Variants in CATSPERB observed in about 807,000 individuals in gnomAD.
CATSPERB encodes the protein cation channel sperm-associated auxiliary subunit beta.
Under a neutral mutation model 128.3 loss-of-function variants are expected in CATSPERB, and 93 were observed. The observed-to-expected ratio is 0.72, with a 90% confidence interval of 0.61 to 0.86. The LOEUF (loss-of-function observed/expected upper bound fraction) is 0.86. Ranked by LOEUF, CATSPERB falls within the 40% of genes least tolerant of loss-of-function variation. CATSPERB has a pLI of 0.00. For missense variants in CATSPERB, 1,153 were observed against 1,329.5 expected (o/e 0.87, Z 2.06); for synonymous variants, 381 against 448.8 (o/e 0.85, Z 1.91).
chr14:91,698,618 A>C (rs1895599802), intron 7 of CATSPERB, among the ~76,000 whole-genome samples: 1 of 152,178 alleles, frequency 6.6e-6, no homozygotes, highest in Admixed American at 6.5e-5. Context: ...GTTAGGTTTT[A>C]TCAAAGGTTT....
intron 14 of CATSPERB, 110 bp from the exon 15 acceptor site, chr14:91,660,091 C>A: frequency 1.3e-6 from 1 of 764,954 alleles, no homozygotes; most frequent in Non-Finnish European, 2.1e-6. Context: ...TTCCATATGC[C>A]TACATTCATC....
chr14:91,604,485 G>T, intron 22 of CATSPERB: 1 of 1,588,520 alleles, frequency 6.3e-7, no homozygotes, highest in East Asian at 2.2e-5. Flanking sequence ...CTAGTGGTCT[G>T]CTGTATTACA....
At chr14:91,729,378 G>T in intron 2 of CATSPERB, 23 bp downstream of exon 2, 16 of 1,102,438 alleles carry the variant, frequency 1.5e-5, no homozygotes, top group Non-Finnish European at 2.1e-5. Context: ...AGGAAATAGA[G>T]AGTAAGATGG....
intron 11 of CATSPERB, among the ~76,000 whole-genome samples, chr14:91,681,673 G>T (rs377758045): frequency 1.1e-3 from 160 of 152,304 alleles, no homozygotes; most frequent in African/African-American, 3.6e-3. Context: ...TACCCTAGGG[G>T]CAAGCCCCTT....
chr14:91,588,307 T>C (rs775863009), intron 24 of CATSPERB, among the ~76,000 whole-genome samples: 1 of 152,074 alleles, frequency 6.6e-6, no homozygotes, highest in African/African-American at 2.4e-5. Flanking sequence ...TTGTAGACGA[T>C]GTATTTAGGG....
At chr14:91,610,828 T>TA in intron 20 of CATSPERB, 151 bp from the exon 21 acceptor site, 1 of 691,746 alleles carries the variant, frequency 1.4e-6, no homozygotes, top group Admixed American at 2.8e-5. Context: ...GTAATTAAGG[T>TA]AAAATGAGGT....
At chr14:91,610,925 C>A (rs1182307845) in intron 20 of CATSPERB, among the ~76,000 whole-genome samples, 2 of 151,646 alleles carry the variant, frequency 1.3e-5, no homozygotes, top group Non-Finnish European at 3.0e-5. Flanking sequence ...AACTGAGGGG[C>A]AACCATATGA....
At position 91,660,099 on chromosome 14, in the gene CATSPERB, A is replaced by ATC. The variant is rs55665101; in HGVS notation, c.1288-120_1288-119dup. 2.6e-3 allele frequency: 1,356 copies of ATC among 517,204 alleles called. 13 individuals carry two copies. Among genetic ancestry groups the ATC allele is most frequent in the African/African-American group, 0.025 (1,208 of 48,896 alleles). The allele number at this position is 517,204 out of a possible 1,614,324, so 32.0% of individuals were successfully genotyped here. On this transcript the variant is annotated intron_variant, in intron 14 of 26. Coordinates refer to ENST00000256343, the MANE Select transcript of CATSPERB (RefSeq NM_024764.4). Reference sequence around the variant, plus strand: ...TGATCTTTTCCATATGCCTACATTCATCTCTCTCTCTCTCTCTCACACACA... The same window carrying ATC: ...TGATCTTTTCCATATGCCTACATTCATCTCTCTCTCTCTCTCTCTCACACACA...
At chr14:91,617,949 G>C (rs1270344466) in intron 19 of CATSPERB, among the ~76,000 whole-genome samples, 1 of 152,150 alleles carries the variant, frequency 6.6e-6, no homozygotes, top group African/African-American at 2.4e-5. Context: ...GAGGGTTCTT[G>C]AATCTCACAC....
intron 26 of CATSPERB, among the ~76,000 whole-genome samples, chr14:91,581,868 C>T (rs924481668): frequency 3.3e-5 from 5 of 151,968 alleles, no homozygotes; most frequent in African/African-American, 4.8e-5. Context: ...GGGAGAAGAA[C>T]GTGCTGATGA....
chr14:91,683,164 G>A (rs1895313802), intron 11 of CATSPERB, among the ~76,000 whole-genome samples: 1 of 152,190 alleles, frequency 6.6e-6, no homozygotes, highest in Admixed American at 6.5e-5. Flanking sequence ...CAAGGATGCA[G>A]GAAAGATGTT....
chr14:91,704,698 G>A lies in CATSPERB; in HGVS notation c.470C>T (p.Pro157Leu), dbSNP rs773719104. The stretch of plus-strand genomic sequence containing the variant: ...ATCCCCAGGAGTCCACTGAAGAATC[G>A]GTTCTGTGGAAATCAAATTTGGGTG... Reference protein sequence around the residue: ...EGTLLDVIREPILQWTPGDVI... With the variant: ...EGTLLDVIRELILQWTPGDVI... Residue 157 changes from proline to leucine, a missense_variant, in exon 7 of 27, where the codon CCG (proline) becomes CTG (leucine). By Grantham distance (98) the Pro-to-Leu change is moderately conservative. Transcript: ENST00000256343. 6.2e-6 allele frequency: 10 copies of A among 1,609,934 alleles called. No homozygotes were observed. Among genetic ancestry groups the A allele is most frequent in the East Asian group, 4.5e-5 (2 of 44,820 alleles).
At chr14:91,726,331 G>A (rs1052871340) in intron 2 of CATSPERB, among the ~76,000 whole-genome samples, 3 of 152,198 alleles carry the variant, frequency 2.0e-5, no homozygotes, top group Non-Finnish European at 4.4e-5. Context: ...GAGCCCAGGC[G>A]TGCTCGTCCG....
Position 91,729,276 on chromosome 14 carries a change from G to A in CATSPERB, c.79+125C>T, listed in dbSNP as rs527805091. On this transcript the variant is annotated intron_variant, in intron 2 of 26. Coordinates refer to ENST00000256343, the MANE Select transcript of CATSPERB (RefSeq NM_024764.4). ...GACCAGAGTATAATTGACAATATTG[G>A]GAAACAATTGGAAGATAAGATAAAG... The A allele has an allele frequency of 1.3e-4, 61 of 469,606 alleles. No homozygotes were observed. The South Asian group carries it at 2.0e-3, about 15-fold the overall frequency. The allele number at this position is 469,606 out of a possible 1,614,324, so 29.1% of individuals were successfully genotyped here.
intron 17 of CATSPERB, among the ~76,000 whole-genome samples, chr14:91,629,919 C>T (rs1014690765): frequency 1.3e-5 from 2 of 152,098 alleles, no homozygotes; most frequent in African/African-American, 2.4e-5. Context: ...TGGAGAGGAA[C>T]AACTGTTGAG....
At chr14:91,716,160 GC>G (rs2139774756) in intron 5 of CATSPERB, among the ~76,000 whole-genome samples, 1 of 152,274 alleles carries the variant, frequency 6.6e-6, no homozygotes, top group African/African-American at 2.4e-5. Flanking sequence ...GAAAATATCT[GC>G]AAATCATATG....
chr14:91,588,497 G>A (rs763389525), intron 24 of CATSPERB, among the ~76,000 whole-genome samples: 1 of 152,072 alleles, frequency 6.6e-6, no homozygotes, highest in Admixed American at 6.6e-5. Context: ...ATAGGTAAAC[G>A]ATTTATAATA....
intron 19 of CATSPERB, among the ~76,000 whole-genome samples, chr14:91,619,350 T>C (rs989388086): frequency 6.6e-6 from 1 of 152,102 alleles, no homozygotes; most frequent in Non-Finnish European, 1.5e-5. Flanking sequence ...AATTAAAACT[T>C]CTAAAATTAC....
At position 91,691,515 on chromosome 14, in the gene CATSPERB, C is replaced by A; in HGVS notation, c.864+8G>T. On this transcript the variant is annotated splice_region_variant and intron_variant, in intron 10 of 26. Coordinates refer to ENST00000256343, the MANE Select transcript of CATSPERB (RefSeq NM_024764.4). ...CTAACCAGCCCTGGGAAATATAAAG[C>A]TTCTTACCCTTTCAAAACCACAAAA... 6.3e-7 allele frequency: 1 copy of A among 1,599,128 alleles called. No homozygotes were observed. The highest frequency in any genetic ancestry group is 1.3e-5 in the African/African-American group (1 of 74,360).
Sources: gnomAD v4.1 joint callset for allele counts (sites outside exome capture counted in the v4.1 genomes callset) on GRCh38, gnomAD v4.1.1 for gene constraint, MANE v1.5 for transcripts, NCBI Gene and HGNC (gene_info 2026-07-23, HGNC 2026-07-21) for gene names.